The following WDR33 variants were observed in gnomAD, a reference collection of about 807,000 sequenced individuals.
WDR33 encodes the protein pre-mRNA 3' end processing protein WDR33.
Under a neutral mutation model 164.9 loss-of-function variants are expected in WDR33, and 47 were observed. That is an observed-to-expected ratio of 0.29 (90% CI 0.23 to 0.36). The LOEUF is 0.36. WDR33 is among the 10% of genes least tolerant of loss of function. The pLI is 1.00. For missense variants in WDR33, 1,137 were observed against 1,754.1 expected (o/e 0.65, Z 6.28); for synonymous variants, 505 against 589.0 (o/e 0.86, Z 2.06).
chr2:127,790,145 T>G (rs1688794153), intron 1 of WDR33, among the ~76,000 whole-genome samples: 1 of 152,140 alleles, frequency 6.6e-6, no homozygotes, highest in African/African-American at 2.4e-5. Flanking sequence ...CCTGTAAAAA[T>G]TATCATGAAA....
At chr2:127,790,053 T>C (rs1688792199) in intron 1 of WDR33, among the ~76,000 whole-genome samples, 1 of 152,110 alleles carries the variant, frequency 6.6e-6, no homozygotes, top group Non-Finnish European at 1.5e-5. Flanking sequence ...CCCTGGCTGG[T>C]CTCCATCTCC....
In WDR33 at chr2:127,719,789, G is replaced by C; in HGVS notation, c.2236C>G (p.Pro746Ala). ...TGAGGAGGCCCTTGCATTCCTCTGG[G>C]ACCAGGTGGTCCCTGCATACCTTGA... is the stretch of plus-strand genomic sequence containing the variant. ...GTQGMQGPPG[P>A]RGMQGPPHPH... The change falls in exon 16 of 22, where the codon CCC (proline) becomes GCC (alanine). Residue 746 changes from proline to alanine, a missense_variant. By Grantham distance (27) the Pro-to-Ala change is conservative (BLOSUM62 -1). Around this residue, in one of 9 missense-constraint regions of WDR33, gnomAD observed 867 missense variants for 1,073.0 expected, o/e 0.81. Transcript: ENST00000322313. The surrounding 1 kb of genome is among the most constrained non-coding windows in gnomAD (Gnocchi z 6.5). The C allele has an allele frequency of 1.2e-6, 2 of 1,613,766 alleles. No individual in the cohort carries two copies. Among genetic ancestry groups the C allele is most frequent in the Non-Finnish European group, 1.7e-6 (2 of 1,179,994 alleles).
At chr2:127,744,066 A>G (rs1687102390) in intron 7 of WDR33, among the ~76,000 whole-genome samples, 2 of 152,226 alleles carry the variant, frequency 1.3e-5, no homozygotes. Context: ...TTTAAAAATA[A>G]GGTTAAATAT....
chr2:127,728,221 T>A (rs1283415911), intron 7 of WDR33, among the ~76,000 whole-genome samples: 1 of 152,222 alleles, frequency 6.6e-6, no homozygotes, highest in Non-Finnish European at 1.5e-5. Flanking sequence ...AATTGCAGTG[T>A]GGCATATGTA....
intron 1 of WDR33, among the ~76,000 whole-genome samples, chr2:127,809,428 CTTTTTTTTTTT>C (rs70985478): frequency 1.2e-4 from 11 of 94,634 alleles, no homozygotes; most frequent in Middle Eastern, 6.7e-3. Context: ...AGCCAAATTC[CTTTTTTTTTTT>C]TTTTTTTTTT....
At position 127,717,289 on chromosome 2, in the gene WDR33, G is replaced by A. The variant is rs150255271; in HGVS notation, c.2761-26C>T. 34 of 1,527,954 alleles carry A rather than the reference G, an allele frequency of 2.2e-5. No individual in the cohort carries two copies. In the African/African-American group the frequency reaches 3.9e-4, roughly 18 times the overall value. The allele number at this position is 1,527,954 out of a possible 1,614,324, so 94.6% of individuals were successfully genotyped here. A position where few individuals can be genotyped will look rare whatever the true frequency, so the allele number is the denominator to read the frequency against. On this transcript the variant is annotated intron_variant, in intron 16 of 21. Coordinates refer to ENST00000322313, the MANE Select transcript of WDR33 (RefSeq NM_018383.5). The surrounding 1 kb of genome is among the most constrained non-coding windows in gnomAD (Gnocchi z 5.6). ...CTGAAAATATGTTTTTAAAGTAAGGGTATGAAATCACAGGCTTGAGCTACA... is the reference window on the plus strand; with the variant it reads ...CTGAAAATATGTTTTTAAAGTAAGGATATGAAATCACAGGCTTGAGCTACA...
chr2:127,752,417 C>T (rs1023553518), intron 7 of WDR33, among the ~76,000 whole-genome samples: 6 of 151,286 alleles, frequency 4.0e-5, no homozygotes, highest in African/African-American at 9.7e-5. Context: ...GGTGAAACCC[C>T]GTCTCTACTA....
At chr2:127,795,698 TGG>T (rs1689014333) in intron 1 of WDR33, among the ~76,000 whole-genome samples, 2 of 147,900 alleles carry the variant, frequency 1.4e-5, no homozygotes, top group South Asian at 4.2e-4. Context: ...CCAGGTGTGG[TGG>T]CATGCTCCTG....
chr2:127,784,437 T>C (rs1688490894), intron 1 of WDR33, among the ~76,000 whole-genome samples: 2 of 152,202 alleles, frequency 1.3e-5, no homozygotes, highest in African/African-American at 4.8e-5. Flanking sequence ...CAGGCTGGAG[T>C]GCAGTGGTGC....
intron 7 of WDR33, among the ~76,000 whole-genome samples, chr2:127,732,862 G>A (rs958581823): frequency 1.3e-5 from 2 of 152,054 alleles, no homozygotes; most frequent in African/African-American, 4.8e-5. Flanking sequence ...CCAAACACAT[G>A]GTTTATTAAT....
In WDR33 at chr2:127,717,011, C is replaced by T; in HGVS notation, c.2869+144G>A. On this transcript the variant is annotated intron_variant, in intron 17 of 21. Transcript: ENST00000322313. This position sits in a 1 kb window ranked among gnomAD's most constrained non-coding sequence, Gnocchi z 5.6. Reference sequence around the variant, plus strand: ...TCCAAGAACACAACCAAAGACAAAGCTCCTACCTGAATGACCACACCCTTA... The same window carrying T: ...TCCAAGAACACAACCAAAGACAAAGTTCCTACCTGAATGACCACACCCTTA... 2 of 816,202 alleles carry T rather than the reference C, an allele frequency of 2.5e-6. No individual in the cohort carries two copies. Among genetic ancestry groups the T allele is most frequent in the South Asian group, 3.3e-5 (2 of 61,324 alleles). The allele number at this position is 816,202 out of a possible 1,614,324, so 50.6% of individuals were successfully genotyped here.
At position 127,709,035 on chromosome 2, in the gene WDR33, C is replaced by A; in HGVS notation, c.3566-143G>T. 1 of 836,996 alleles carries A rather than the reference C, an allele frequency of 1.2e-6. No individual in the cohort carries two copies. The highest frequency in any genetic ancestry group is 1.7e-6 in the Non-Finnish European group (1 of 577,664). 51.8% of individuals were successfully genotyped at this position (836,996 alleles called of 1,614,324 possible). A position where few individuals can be genotyped will look rare whatever the true frequency, so the allele number is the denominator to read the frequency against. On this transcript the variant is annotated intron_variant, in intron 20 of 21. Transcript: ENST00000322313. The surrounding 1 kb of genome is among the most constrained non-coding windows in gnomAD (Gnocchi z 5.0). ...CGCCAGAGGCCAAAGGGTAAGCCAC[C>A]CAGACATCAGGGTGCCTCCTCATGT...
At position 127,719,655 on chromosome 2, in the gene WDR33, G is replaced by C. The variant is rs983026852; in HGVS notation, c.2370C>G (p.Pro790=). 6.2e-7 allele frequency: 1 copy of C among 1,612,894 alleles called. No individual in the cohort carries two copies. Among genetic ancestry groups the C allele is most frequent in the African/African-American group, 1.3e-5 (1 of 74,760 alleles). The change falls in exon 16 of 22, where the codon CCC becomes CCG. Residue 790 remains proline, a synonymous_variant. Transcript: ENST00000322313. The surrounding 1 kb of genome is among the most constrained non-coding windows in gnomAD (Gnocchi z 6.5). ...GGGGAGCAGGACCCTGGTTCTCCCG[G>C]GGGCCTGGAGGCCCCTGCATTCCTC... is the stretch of plus-strand genomic sequence containing the variant. ...NPRGMQGPPG[P]RENQGPAPQG...
chr2:127,794,156 G>A (rs1222804206), intron 1 of WDR33, among the ~76,000 whole-genome samples: 2 of 148,840 alleles, frequency 1.3e-5, no homozygotes, highest in East Asian at 2.0e-4. Context: ...AAGACAGACA[G>A]ACAGACAGAA....
At chr2:127,760,071 A>C (rs1687633607) in intron 7 of WDR33, among the ~76,000 whole-genome samples, 1 of 152,194 alleles carries the variant, frequency 6.6e-6, no homozygotes, top group Non-Finnish European at 1.5e-5. Context: ...AGTTGTAAGG[A>C]AGCAGGTTTC....
At position 127,793,961 on chromosome 2, in the gene WDR33, C is replaced by T. The variant is rs6430951; in HGVS notation, c.-24+17051G>A. ...ACCAGCCTGGGCAAAATGGTGAAAC[C>T]CTGTCTCTACCAAAATACAAAAAAT... On this transcript the variant is annotated intron_variant, in intron 1 of 21. Coordinates refer to ENST00000322313, the MANE Select transcript of WDR33 (RefSeq NM_018383.5). Among the ~76,000 whole-genome samples the T allele has an allele frequency of 6.5e-3, 985 of 152,006 alleles. 13 individuals are homozygous for T. The highest frequency in any genetic ancestry group is 0.022 in the African/African-American group (912 of 41,462).
At position 127,706,641 on chromosome 2, in the gene WDR33, A is replaced by C; in HGVS notation, c.3782-89T>G. The C allele has an allele frequency of 8.2e-7, 1 of 1,221,944 alleles. No individual in the cohort carries two copies. The highest frequency in any genetic ancestry group is 1.1e-6 in the Non-Finnish European group (1 of 869,972). The allele number at this position is 1,221,944 out of a possible 1,614,324, so 75.7% of individuals were successfully genotyped here. On this transcript the variant is annotated intron_variant, in intron 21 of 21. Transcript: ENST00000322313. The surrounding 1 kb of genome is among the most constrained non-coding windows in gnomAD (Gnocchi z 5.1). ...GTACAAACTTTACTCTCTGATGACA[A>C]TGGACCAGTTCTGGTGGGTGCCAGG...
chr2:127,805,188 C>T (rs1689392659), intron 1 of WDR33, among the ~76,000 whole-genome samples: 1 of 150,146 alleles, frequency 6.7e-6, no homozygotes, highest in Non-Finnish European at 1.5e-5. Context: ...AGCCATCCTC[C>T]TGTCTCAACC....
chr2:127,769,068 A>G (rs890414556), intron 2 of WDR33, 67 bp from the exon 3 acceptor site: 12 of 955,598 alleles, frequency 1.3e-5, no homozygotes, highest in African/African-American at 5.2e-5. Context: ...TGGTCTGATT[A>G]TACTCAATTT....
Sources: allele counts gnomAD v4.1 joint callset (sites outside exome capture counted in the v4.1 genomes callset), GRCh38; gene constraint gnomAD v4.1.1; regional missense constraint gnomAD v4.1.1; non-coding constraint Gnocchi (gnomAD v3.1); transcripts MANE v1.5; gene names NCBI Gene and HGNC (gene_info 2026-07-23, HGNC 2026-07-21).